Variants in SEMA3D observed in about 807,000 individuals in gnomAD.
SEMA3D encodes the protein semaphorin 3D, also known as semaphorin-3D.
SEMA3D carries 84 observed loss-of-function variants against 100.1 expected under a neutral mutation model. The ratio of observed to expected loss-of-function variants is 0.84; its 90% CI spans 0.70 to 1.01. SEMA3D has a LOEUF of 1.01. SEMA3D is among the 50% of genes least tolerant of loss of function. The probability of loss-of-function intolerance (pLI) is 0.00; values close to 1 mark genes in which losing one functional copy is unlikely to be tolerated. For synonymous variants in SEMA3D, 312 were observed against 320.7 expected (o/e 0.97, Z 0.29); for missense variants, 875 against 934.1 (o/e 0.94, Z 0.82).
the SEMA3D span, among the ~76,000 whole-genome samples, chr7:85,207,728 G>C: frequency 1.3e-5 from 2 of 151,906 alleles, no homozygotes; most frequent in African/African-American, 4.8e-5. Flanking sequence ...ATATAAATTA[G>C]AGCAATCATG....
chr7:85,023,045 AG>A (rs1453277429), intron 12 of SEMA3D, among the ~76,000 whole-genome samples: 1 of 151,968 alleles, frequency 6.6e-6, no homozygotes, highest in African/African-American at 2.4e-5. Context: ...AAAATAAAAA[AG>A]GAACAAACAG....
the SEMA3D span, among the ~76,000 whole-genome samples, chr7:85,218,094 A>G: frequency 3.3e-5 from 5 of 152,174 alleles, no homozygotes; most frequent in Admixed American, 6.6e-5. Context: ...AAGAAGCATA[A>G]ATTGTTCATT....
At chr7:85,051,297 G>C (rs538953360) in intron 9 of SEMA3D, among the ~76,000 whole-genome samples, 3 of 152,002 alleles carry the variant, frequency 2.0e-5, no homozygotes, top group Admixed American at 6.6e-5. Context: ...CCAGGCAAAA[G>C]TCATTGATGA....
In SEMA3D at chr7:85,015,752, CA is replaced by C. The variant is rs558863041; in HGVS notation, c.1546-537del. On this transcript the variant is annotated intron_variant, in intron 15 of 18. Coordinates refer to ENST00000284136, the MANE Select transcript of SEMA3D (RefSeq NM_001384900.1). ...TTATCACTCTGAAGAAAGTATTAAA[CA>C]GGCTTGAGGGATGCTATATCACAAA... 7.4e-4 allele frequency among the ~76,000 whole-genome samples: 113 copies of C among 151,878 alleles called. No individual in the cohort carries two copies. The Middle Eastern group carries it at 0.014, about 18-fold the overall frequency.
At chr7:85,086,920 A>G (rs1384511707) in intron 4 of SEMA3D, among the ~76,000 whole-genome samples, 1 of 152,170 alleles carries the variant, frequency 6.6e-6, no homozygotes, top group Admixed American at 6.5e-5. Context: ...CATATAGTTA[A>G]AAATATAATG....
At chr7:85,043,786 C>G (rs1248882958) in intron 9 of SEMA3D, among the ~76,000 whole-genome samples, 1 of 152,096 alleles carries the variant, frequency 6.6e-6, no homozygotes, top group Non-Finnish European at 1.5e-5. Flanking sequence ...CTGCTGCCAT[C>G]CAGGTAAGAT....
chr7:85,065,603 G>A (rs751231920), intron 7 of SEMA3D, 51 bp from the exon 8 acceptor site: 1 of 1,460,544 alleles, frequency 6.8e-7, no homozygotes, highest in Non-Finnish European at 9.6e-7. Flanking sequence ...AGCAGTAGAT[G>A]CTATTTAACA....
Position 85,065,622 on chromosome 7 carries a change from T to A in SEMA3D, c.590-70A>T, listed in dbSNP as rs1583887880. ...GTAGATGCTATTTAACATGTACAAA[T>A]TTCACAGCATGACACCAAAGATGTT... On this transcript the variant is annotated intron_variant, in intron 7 of 18. Coordinates refer to ENST00000284136, the MANE Select transcript of SEMA3D (RefSeq NM_001384900.1). 8 of 1,150,696 alleles carry A rather than the reference T, an allele frequency of 7.0e-6. No homozygotes were observed. In the East Asian group the frequency reaches 1.7e-4, roughly 24 times the overall value. 71.3% of individuals were successfully genotyped at this position (1,150,696 alleles called of 1,614,324 possible). A position where few individuals can be genotyped will look rare whatever the true frequency, so the allele number is the denominator to read the frequency against.
intron 12 of SEMA3D, among the ~76,000 whole-genome samples, chr7:85,032,745 A>G (rs1246501393): frequency 6.6e-6 from 1 of 152,120 alleles, no homozygotes; most frequent in Non-Finnish European, 1.5e-5. Flanking sequence ...CCAAAAAGAA[A>G]ATCCTCCTTC....
At chr7:85,245,957 T>C in the SEMA3D span, among the ~76,000 whole-genome samples, 5 of 152,086 alleles carry the variant, frequency 3.3e-5, no homozygotes, top group African/African-American at 1.2e-4. Context: ...AATAATTTGG[T>C]AACATAATAG....
At chr7:85,168,476 A>T (rs1349433532) in intron 1 of SEMA3D, among the ~76,000 whole-genome samples, 3 of 151,762 alleles carry the variant, frequency 2.0e-5, no homozygotes, top group Non-Finnish European at 4.4e-5. Flanking sequence ...TGTCAACCTC[A>T]CTAAGAAGCA....
intron 1 of SEMA3D, among the ~76,000 whole-genome samples, chr7:85,163,996 T>C (rs140995171): frequency 1.2e-3 from 180 of 152,272 alleles, no homozygotes; most frequent in African/African-American, 3.8e-3. Context: ...CAATCTTTTT[T>C]GAATGTTTAC....
At chr7:85,024,983 T>C (rs1790353812) in intron 12 of SEMA3D, among the ~76,000 whole-genome samples, 1 of 151,726 alleles carries the variant, frequency 6.6e-6, no homozygotes, top group African/African-American at 2.4e-5. Context: ...ATGATACATC[T>C]AAAGCGGATG....
rs752922884 is a variant in SEMA3D at position 85,147,092 on chromosome 7, C to CTTTTTTTTTTTTTTTTTTTT, written c.-41+6496_-41+6515dup. Among the ~76,000 whole-genome samples, 145 of 48,152 alleles carry CTTTTTTTTTTTTTTTTTTTT rather than the reference C, an allele frequency of 3.0e-3. 13 individuals carry two copies. Among genetic ancestry groups the CTTTTTTTTTTTTTTTTTTTT allele is most frequent in the African/African-American group, 6.3e-3 (65 of 10,288 alleles). The allele number at this position is 48,152 out of a possible 152,430, so 31.6% of individuals were successfully genotyped here. ...TCTTTCTTTCTTTTCTTTTTCTTTT[C>CTTTTTTTTTTTTTTTTTTTT]TTTTTTTTTTTTTTTTTTTTTTTTT... On this transcript the variant is annotated intron_variant, in intron 2 of 18. Coordinates refer to ENST00000284136, the MANE Select transcript of SEMA3D (RefSeq NM_001384900.1).
intron 1 of SEMA3D, among the ~76,000 whole-genome samples, chr7:85,178,613 A>G (rs1448921861): frequency 6.6e-6 from 1 of 152,214 alleles, no homozygotes; most frequent in Non-Finnish European, 1.5e-5. Flanking sequence ...AAAGGGCTCA[A>G]GAGTAAACAG....
intron 3 of SEMA3D, among the ~76,000 whole-genome samples, chr7:85,120,424 T>C (rs1292205173): frequency 6.6e-6 from 1 of 152,056 alleles, no homozygotes; most frequent in East Asian, 1.9e-4. Flanking sequence ...TCCTAGCACT[T>C]TGGGAGGCTG....
chr7:85,199,333 T>C, the SEMA3D span, among the ~76,000 whole-genome samples: 178 of 152,262 alleles, frequency 1.2e-3, no homozygotes, highest in African/African-American at 3.8e-3. Flanking sequence ...CATTATTTGC[T>C]CTACTTGATT....
intron 4 of SEMA3D, among the ~76,000 whole-genome samples, chr7:85,086,286 G>A (rs1788210708): frequency 6.6e-6 from 1 of 151,912 alleles, no homozygotes; most frequent in African/African-American, 2.4e-5. Context: ...GTTTAATTAT[G>A]ATTTGTGGTG....
At chr7:85,075,868 T>G (rs2116206812) in intron 5 of SEMA3D, among the ~76,000 whole-genome samples, 1 of 152,364 alleles carries the variant, frequency 6.6e-6, no homozygotes, top group South Asian at 2.1e-4. Flanking sequence ...TTACAATGAC[T>G]TCCCTTTCAA....
Sources: gnomAD v4.1 joint callset for allele counts (sites outside exome capture counted in the v4.1 genomes callset) on GRCh38, gnomAD v4.1.1 for gene constraint, MANE v1.5 for transcripts, NCBI Gene and HGNC (gene_info 2026-07-23, HGNC 2026-07-21) for gene names.